NSUN4: variants seen among roughly 807,000 people sequenced by gnomAD.
NSUN4 encodes the protein NOP2/Sun RNA methyltransferase 4, also known as 5-cytosine rRNA methyltransferase NSUN4.
A neutral mutation model predicts 43.8 loss-of-function variants in NSUN4; 31 were observed. The observed-to-expected ratio is 0.71, with a 90% CI of 0.53 to 0.96. The LOEUF (loss-of-function observed/expected upper bound fraction) is 0.96. Among genes scored for constraint, NSUN4 ranks in the 40% least tolerant of loss-of-function variants. NSUN4 has a pLI of 0.00. For missense variants in NSUN4, 439 were observed against 475.6 expected (o/e 0.92, Z 0.72); for synonymous variants, 167 against 184.1 (o/e 0.91, Z 0.75).
chr1:46,353,444 GC>G (rs1458134977), intron 4 of NSUN4, among the ~76,000 whole-genome samples: 1 of 151,740 alleles, frequency 6.6e-6, no homozygotes, highest in African/African-American at 2.4e-5. Flanking sequence ...CTGGCCTGTA[GC>G]CCCCTACTTC....
At chr1:46,360,934 C>A in intron 5 of NSUN4, 106 bp downstream of exon 5, 1 of 1,257,410 alleles carries the variant, frequency 8.0e-7, no homozygotes, top group Non-Finnish European at 1.1e-6. Context: ...AATCTTATGG[C>A]TGGAGATCTG....
Position 46,361,569 on chromosome 1 carries a change from G to C in NSUN4, c.879-1G>C. 1 of 1,613,196 alleles carries C rather than the reference G, an allele frequency of 6.2e-7. No homozygotes were observed. Among genetic ancestry groups the C allele is most frequent in the Non-Finnish European group, 8.5e-7 (1 of 1,179,410 alleles). The stretch of plus-strand genomic sequence containing the variant: ...CTGCTTCTGTCTCTTTCTGGTTTCA[G>C]GGCTGGACTCCTTGCCACCAAACCA... On this transcript the variant is annotated splice_acceptor_variant, in intron 5 of 5. Coordinates refer to ENST00000474844, the MANE Select transcript of NSUN4 (RefSeq NM_199044.4). LOFTEE classifies it high-confidence loss of function.
At chr1:46,358,617 G>T (rs1376774675) in intron 4 of NSUN4, among the ~76,000 whole-genome samples, 1 of 149,326 alleles carries the variant, frequency 6.7e-6, no homozygotes, top group Non-Finnish European at 1.5e-5. Context: ...GGCCAGGATG[G>T]TCTCGATCTC....
At chr1:46,358,182 G>A (rs1330810681) in intron 4 of NSUN4, among the ~76,000 whole-genome samples, 10 of 152,194 alleles carry the variant, frequency 6.6e-5, no homozygotes, top group African/African-American at 1.4e-4. Context: ...TGCAACCTCC[G>A]CCTCCTGGGT....
chr1:46,341,624 C>T (rs959414864), intron 1 of NSUN4: 24 of 1,220,662 alleles, frequency 2.0e-5, no homozygotes, highest in South Asian at 4.3e-5. Flanking sequence ...AGCCGATTCC[C>T]TCGCCACCTC....
intron 3 of NSUN4, among the ~76,000 whole-genome samples, chr1:46,347,320 A>C (rs1662585136): frequency 6.6e-6 from 1 of 151,976 alleles, no homozygotes; most frequent in Admixed American, 6.6e-5. Flanking sequence ...CTCCTGTAAT[A>C]CCAGCTACTC....
the NSUN4 span, among the ~76,000 whole-genome samples, chr1:46,384,539 C>A: frequency 6.6e-6 from 1 of 152,086 alleles, no homozygotes; most frequent in Non-Finnish European, 1.5e-5. Flanking sequence ...CACTTTTTAG[C>A]CATGCTGTAA....
At position 46,340,848 on chromosome 1, in the gene NSUN4, G is replaced by C. The variant is rs1662039511; in HGVS notation, c.22G>C (p.Gly8Arg). 1 of 1,612,500 alleles carries C rather than the reference G, an allele frequency of 6.2e-7. No homozygotes were observed. The highest frequency in any genetic ancestry group is 8.5e-7 in the Non-Finnish European group (1 of 1,179,394). The stretch of plus-strand genomic sequence containing the variant: ...CGATATGGCTGCGCTGACACTGAGG[G>C]GTGTCCGGGAGCTGCTGAAGCGTGT... The part of the protein sequence containing the change: MAALTLR[G>R]VRELLKRVDL... The change falls in exon 1 of 6, where the codon GGT becomes CGT. Residue 8 changes from glycine to arginine, a missense_variant. Coordinates refer to ENST00000474844, the MANE Select transcript of NSUN4 (RefSeq NM_199044.4).
the NSUN4 span, among the ~76,000 whole-genome samples, chr1:46,383,541 C>T: frequency 4.6e-5 from 7 of 150,978 alleles, no homozygotes; most frequent in East Asian, 3.9e-4. Context: ...CTGCAAGCTC[C>T]GCCTCCCGGG....
In NSUN4 at chr1:46,363,200, T is replaced by C. The variant is rs1220141773; in HGVS notation, c.*1354T>C. 1 of 152,204 alleles carries C rather than the reference T, an allele frequency of 6.6e-6. No individual in the cohort carries two copies. The highest frequency in any genetic ancestry group is 1.9e-4 in the East Asian group (1 of 5,196). The allele number at this position is 152,204 out of a possible 1,614,324, so 9.4% of individuals were successfully genotyped here. A position where few individuals can be genotyped will look rare whatever the true frequency, so the allele number is the denominator to read the frequency against. ...GTTAAGCCTTCTTTTGGGATTTGCA[T>C]TGTAATTGAGGGCCCTGGAAGATCT... On this transcript the variant is annotated 3_prime_UTR_variant, in exon 6 of 6. Transcript: ENST00000474844.
the NSUN4 span, among the ~76,000 whole-genome samples, chr1:46,371,838 C>T: frequency 6.6e-6 from 1 of 151,964 alleles, no homozygotes; most frequent in African/African-American, 2.4e-5. Flanking sequence ...CGGGGGGTGC[C>T]ACACACTTTG....
chr1:46,360,682 T>C (rs1247767303), intron 4 of NSUN4, 22 bp from the exon 5 acceptor site: 13 of 1,612,564 alleles, frequency 8.1e-6, no homozygotes, highest in Middle Eastern at 1.7e-4. Context: ...TTTAATACTT[T>C]ACCCTTTAAC....
the NSUN4 span, among the ~76,000 whole-genome samples, chr1:46,385,044 C>A: frequency 6.6e-6 from 1 of 152,136 alleles, no homozygotes; most frequent in African/African-American, 2.4e-5. Context: ...TCTTTAGCAC[C>A]TATTTTTATT....
the NSUN4 span, among the ~76,000 whole-genome samples, chr1:46,377,869 A>G: frequency 1.3e-5 from 2 of 152,194 alleles, no homozygotes; most frequent in South Asian, 2.1e-4. Context: ...ATAGTTTCAA[A>G]CAAATTATAG....
At chr1:46,345,939 C>T (rs917177138) in intron 2 of NSUN4, among the ~76,000 whole-genome samples, 5 of 150,912 alleles carry the variant, frequency 3.3e-5, no homozygotes, top group African/African-American at 7.3e-5. Context: ...TGCCTGAGCT[C>T]AGGAGTTTGA....
chr1:46,341,492 CA>C lies in NSUN4; in HGVS notation c.93+577del, dbSNP rs1662101357. 5.8e-6 allele frequency: 6 copies of C among 1,035,054 alleles called. No homozygotes were observed. The Admixed American group carries it at 1.7e-4, about 29-fold the overall frequency. The allele number at this position is 1,035,054 out of a possible 1,614,324, so 64.1% of individuals were successfully genotyped here. A position where few individuals can be genotyped will look rare whatever the true frequency, so the allele number is the denominator to read the frequency against. On this transcript the variant is annotated intron_variant, in intron 1 of 5. Coordinates refer to ENST00000474844, the MANE Select transcript of NSUN4 (RefSeq NM_199044.4). ...TCCATACTGCCGGCCCAAACCCTGG[CA>C]AAAGGTGCAACGAATCCTCTCATCC...
intron 4 of NSUN4, among the ~76,000 whole-genome samples, chr1:46,358,398 A>ATTTTTTTTTTTTTTTTTT (rs34719174): frequency 1.0e-5 from 1 of 95,456 alleles, no homozygotes. Context: ...TCCTGGCCTA[A>ATTTTTTTTTTTTTTTTTT]TTTTTTTTTT....
Position 46,362,135 on chromosome 1 carries a change from C to T in NSUN4, c.*289C>T. On this transcript the variant is annotated 3_prime_UTR_variant, in exon 6 of 6. Transcript: ENST00000474844. ...AGAAGGAGAAGCCAGTGAGCAGGCT[C>T]ACACTAAGTTGTAAACATAGGAGAA... The T allele has an allele frequency of 2.2e-6, 1 of 449,054 alleles. No homozygotes were observed. Among genetic ancestry groups the T allele is most frequent in the Non-Finnish European group, 4.0e-6 (1 of 247,858 alleles). The allele number at this position is 449,054 out of a possible 1,614,324, so 27.8% of individuals were successfully genotyped here.
intron 4 of NSUN4, among the ~76,000 whole-genome samples, chr1:46,359,189 G>A (rs1316150586): frequency 6.6e-6 from 1 of 152,052 alleles, no homozygotes; most frequent in African/African-American, 2.4e-5. Context: ...GAACCCGGGA[G>A]GTGGAGGTTG....
Sources: allele counts gnomAD v4.1 joint callset (sites outside exome capture counted in the v4.1 genomes callset), GRCh38; gene constraint gnomAD v4.1.1; transcripts MANE v1.5; gene names NCBI Gene and HGNC (gene_info 2026-07-23, HGNC 2026-07-21).